Variants in PCDH9 observed in about 807,000 individuals in gnomAD.
The protein encoded by PCDH9 is protocadherin-9.
In PCDH9, 24 loss-of-function variants were observed where a neutral mutation model predicts 70.6. That is an observed-to-expected ratio of 0.34 (90% CI 0.25 to 0.48). The LOEUF is 0.48. Among genes scored for constraint, PCDH9 ranks in the 20% least tolerant of loss-of-function variants. PCDH9 has a pLI of 0.99. For missense variants in PCDH9, 1,281 were observed against 1,503.6 expected (o/e 0.85, Z 2.45); for synonymous variants, 562 against 558.5 (o/e 1.01, Z -0.09).
chr13:67,177,054 T>C (rs2088481436), intron 2 of PCDH9, among the ~76,000 whole-genome samples: 1 of 152,102 alleles, frequency 6.6e-6, no homozygotes, highest in Admixed American at 6.6e-5. Context: ...TTAAAGTATC[T>C]ATTGTGAATA....
chr13:66,498,607 T>C (rs994480908), intron 4 of PCDH9, among the ~76,000 whole-genome samples: 27 of 152,280 alleles, frequency 1.8e-4, no homozygotes, highest in Middle Eastern at 3.4e-3. Context: ...TATAATGCCA[T>C]ATATAATTCC....
chr13:66,331,104 A>G (rs1179379758), intron 4 of PCDH9, among the ~76,000 whole-genome samples: 1 of 152,164 alleles, frequency 6.6e-6, no homozygotes, highest in Non-Finnish European at 1.5e-5. Context: ...GTGAAGAGAA[A>G]GTTTGTATGT....
intron 2 of PCDH9, among the ~76,000 whole-genome samples, chr13:67,196,021 CTT>C (rs1035956709): frequency 1.3e-5 from 2 of 152,228 alleles, no homozygotes; most frequent in African/African-American, 4.8e-5. Context: ...GGATCACTAA[CTT>C]TTAAAGGAGA....
At chr13:66,466,515 T>G (rs1024884366) in intron 4 of PCDH9, among the ~76,000 whole-genome samples, 2 of 152,076 alleles carry the variant, frequency 1.3e-5, no homozygotes, top group African/African-American at 4.8e-5. Context: ...CTAAGCCTTC[T>G]GAGGACTTCT....
intron 2 of PCDH9, among the ~76,000 whole-genome samples, chr13:67,106,696 T>C (rs2086551212): frequency 1.3e-5 from 2 of 152,184 alleles, no homozygotes; most frequent in South Asian, 4.1e-4. Context: ...CACCCAGCCA[T>C]GGCTGCGGAT....
intron 4 of PCDH9, among the ~76,000 whole-genome samples, chr13:66,498,815 T>A (rs1239671720): frequency 6.6e-6 from 1 of 152,066 alleles, no homozygotes; most frequent in Non-Finnish European, 1.5e-5. Flanking sequence ...TTGAAAAAAT[T>A]AGTTGTTACA....
At chr13:66,608,285 G>C (rs2077247218) in intron 4 of PCDH9, among the ~76,000 whole-genome samples, 1 of 151,960 alleles carries the variant, frequency 6.6e-6, no homozygotes, top group Non-Finnish European at 1.5e-5. Context: ...TCAATTTATT[G>C]TGTAATTTCT....
intron 2 of PCDH9, among the ~76,000 whole-genome samples, chr13:66,996,922 G>A (rs553749456): frequency 6.6e-6 from 1 of 152,300 alleles, no homozygotes; most frequent in South Asian, 2.1e-4. Flanking sequence ...CAGAGAAAAA[G>A]AGTTGTTGAC....
At chr13:66,462,619 C>T (rs902006512) in intron 4 of PCDH9, among the ~76,000 whole-genome samples, 1 of 151,718 alleles carries the variant, frequency 6.6e-6, no homozygotes, top group Non-Finnish European at 1.5e-5. Flanking sequence ...TGAAATATGG[C>T]CTGGGCTTTG....
At chr13:66,382,561 T>G (rs1024778111) in intron 4 of PCDH9, among the ~76,000 whole-genome samples, 1 of 152,090 alleles carries the variant, frequency 6.6e-6, no homozygotes, top group Non-Finnish European at 1.5e-5. Flanking sequence ...TGAATGAAAT[T>G]TTATGAACTT....
chr13:66,700,575 A>G (rs1024200569), intron 3 of PCDH9, among the ~76,000 whole-genome samples: 3 of 152,272 alleles, frequency 2.0e-5, no homozygotes, highest in Middle Eastern at 3.4e-3. Context: ...AATTCAGGGA[A>G]AAATAACAGA....
intron 2 of PCDH9, among the ~76,000 whole-genome samples, chr13:67,057,725 T>G (rs974282315): frequency 3.3e-5 from 5 of 150,284 alleles, no homozygotes; most frequent in African/African-American, 1.2e-4. Flanking sequence ...AGAAATTCTG[T>G]TTTTTTTTCT....
intron 2 of PCDH9, among the ~76,000 whole-genome samples, chr13:66,918,353 A>G (rs1411344907): frequency 6.6e-5 from 10 of 151,180 alleles, no homozygotes; most frequent in Non-Finnish European, 3.0e-5. Flanking sequence ...ATTTTAATTT[A>G]GCTAGTGTAA....
intron 4 of PCDH9, among the ~76,000 whole-genome samples, chr13:66,359,384 T>C (rs529521025): frequency 9.7e-4 from 148 of 152,078 alleles, no homozygotes; most frequent in African/African-American, 3.3e-3. Context: ...TATTAAAACT[T>C]ATGACAGTTA....
chr13:66,750,701 A>G (rs2079443997), intron 3 of PCDH9, among the ~76,000 whole-genome samples: 1 of 152,132 alleles, frequency 6.6e-6, no homozygotes, highest in Non-Finnish European at 1.5e-5. Flanking sequence ...TTAAACATGT[A>G]CTGGGTTGAT....
intron 4 of PCDH9, among the ~76,000 whole-genome samples, chr13:66,477,512 T>C (rs1051941333): frequency 3.3e-5 from 5 of 152,060 alleles, no homozygotes; most frequent in Non-Finnish European, 7.4e-5. Flanking sequence ...CCAACAGACA[T>C]TTTGGGTTTG....
intron 3 of PCDH9, among the ~76,000 whole-genome samples, chr13:66,871,704 CT>C (rs2081690390): frequency 6.6e-6 from 1 of 152,092 alleles, no homozygotes; most frequent in South Asian, 2.1e-4. Flanking sequence ...TCACTAACAG[CT>C]TAATGTTTAC....
chr13:66,580,920 G>T (rs1253415410), intron 4 of PCDH9, among the ~76,000 whole-genome samples: 1 of 152,076 alleles, frequency 6.6e-6, no homozygotes, highest in Non-Finnish European at 1.5e-5. Context: ...ACAGAGGTGG[G>T]TGTCTTCTTA....
intron 3 of PCDH9, among the ~76,000 whole-genome samples, chr13:66,771,197 C>T (rs1350570708): frequency 1.3e-5 from 2 of 152,200 alleles, no homozygotes; most frequent in Non-Finnish European, 2.9e-5. Context: ...GTCATCCTAG[C>T]TCAGCCTCCT....
Sources: allele counts gnomAD v4.1 joint callset (sites outside exome capture counted in the v4.1 genomes callset), GRCh38; gene constraint gnomAD v4.1.1; transcripts MANE v1.5; gene names NCBI Gene and HGNC (gene_info 2026-07-23, HGNC 2026-07-21).